Variants in ERI1 observed in about 807,000 individuals in gnomAD.
ERI1 encodes 3'-5' exoribonuclease 1.
ERI1 carries 39 observed loss-of-function variants against 39.7 expected under a neutral mutation model. The observed-to-expected ratio is 0.98, with a 90% CI of 0.76 to 1.28. The LOEUF (loss-of-function observed/expected upper bound fraction) is 1.28. Ranked by LOEUF, ERI1 falls within the 50% of genes most tolerant of loss-of-function variation. ERI1 has a pLI of 0.00. For missense variants in ERI1, 581 were observed against 416.9 expected, an observed-to-expected ratio of 1.39 and a Z score of -3.43; for synonymous variants, 204 against 149.6, an observed-to-expected ratio of 1.36 and a Z score of -2.65.
At chr8:9,019,452 A>G (rs374381876) in intron 5 of ERI1, among the ~76,000 whole-genome samples, 4 of 152,242 alleles carry the variant, frequency 2.6e-5, no homozygotes, top group Non-Finnish European at 5.9e-5. Flanking sequence ...CTGCTAAAGT[A>G]TACAGGTGTT....
chr8:9,047,315 G>A (rs1336031970), intron 3 of ERI1, among the ~76,000 whole-genome samples: 1 of 152,140 alleles, frequency 6.6e-6, no homozygotes, highest in East Asian at 1.9e-4. Flanking sequence ...CCACTAATTA[G>A]CCTGTGGCCA....
chr8:9,071,893 T>G (rs1799062240), intron 3 of ERI1, among the ~76,000 whole-genome samples: 1 of 152,150 alleles, frequency 6.6e-6, no homozygotes, highest in Non-Finnish European at 1.5e-5. Context: ...TAGTGAGACC[T>G]CGTCTCTACA....
intron 3 of ERI1, among the ~76,000 whole-genome samples, chr8:9,076,060 C>G (rs1225560037): frequency 2.0e-5 from 3 of 152,144 alleles, no homozygotes; most frequent in Non-Finnish European, 4.4e-5. Context: ...CTCAGCCTCC[C>G]AAGTAGCTTG....
At chr8:9,045,811 G>A (rs1798157730) in intron 3 of ERI1, among the ~76,000 whole-genome samples, 1 of 151,586 alleles carries the variant, frequency 6.6e-6, no homozygotes, top group Admixed American at 6.6e-5. Flanking sequence ...TGAGTAGCTG[G>A]GATTACAGGC....
chr8:9,028,013 G>A (rs1797305290), intron 6 of ERI1, among the ~76,000 whole-genome samples: 2 of 152,166 alleles, frequency 1.3e-5, no homozygotes, highest in South Asian at 2.1e-4. Context: ...GATAATTGTA[G>A]GGGATATTGA....
chr8:9,043,831 G>C (rs112595378), intron 3 of ERI1, among the ~76,000 whole-genome samples: 6 of 152,176 alleles, frequency 3.9e-5, no homozygotes, highest in Non-Finnish European at 8.8e-5. Context: ...GGGACTACAG[G>C]CCATAATTGT....
chr8:9,083,551 T>G (rs548853603), intron 3 of ERI1, among the ~76,000 whole-genome samples: 6 of 151,736 alleles, frequency 4.0e-5, no homozygotes, highest in Admixed American at 1.3e-4. Context: ...AATCATCAAC[T>G]CATAATCAAT....
intron 3 of ERI1, among the ~76,000 whole-genome samples, chr8:9,063,506 C>G (rs1232886592): frequency 1.3e-5 from 2 of 151,984 alleles, no homozygotes; most frequent in Non-Finnish European, 2.9e-5. Flanking sequence ...GAATCGGGAC[C>G]TAGCTCGGCC....
chr8:9,024,646 A>G (rs954586033), intron 6 of ERI1, among the ~76,000 whole-genome samples: 3 of 151,786 alleles, frequency 2.0e-5, no homozygotes, highest in East Asian at 3.9e-4. Flanking sequence ...CTGGTTTTGA[A>G]CTCCTGACCT....
At chr8:9,011,888 A>T (rs934616310) in intron 3 of ERI1, 136 bp downstream of exon 3, 1 of 578,540 alleles carries the variant, frequency 1.7e-6, no homozygotes. Flanking sequence ...CATGAACTTT[A>T]TATCAGCTTG....
intron 4 of ERI1, 142 bp from the exon 5 acceptor site, chr8:9,018,155 G>C (rs1817499159): frequency 1.9e-6 from 1 of 531,102 alleles, no homozygotes; most frequent in South Asian, 3.2e-5. Flanking sequence ...ACTTTAGGTG[G>C]AGCTAAGCCA....
chr8:9,056,148 A>T (rs1798499855), intron 3 of ERI1, among the ~76,000 whole-genome samples: 1 of 152,168 alleles, frequency 6.6e-6, no homozygotes, highest in South Asian at 2.1e-4. Context: ...CGTGAAGAAG[A>T]GTTTGGAAAT....
At chr8:9,084,285 T>C (rs1030625307) in intron 3 of ERI1, among the ~76,000 whole-genome samples, 1 of 152,178 alleles carries the variant, frequency 6.6e-6, no homozygotes, top group Non-Finnish European at 1.5e-5. Flanking sequence ...TACCGCCTCA[T>C]CTATTCCACC....
intron 6 of ERI1, 51 bp downstream of exon 6, chr8:9,020,515 A>C: frequency 8.4e-7 from 1 of 1,184,412 alleles, no homozygotes; most frequent in Non-Finnish European, 1.2e-6. Context: ...TAAATTTGTT[A>C]AAATTTGCAT....
chr8:9,021,765 G>GT lies in ERI1; in HGVS notation c.807+1309dup, dbSNP rs1161148984. On this transcript the variant is annotated intron_variant, in intron 6 of 6. Transcript: ENST00000250263. Reference sequence around the variant, plus strand: ...TAGTATTATACTGGCTATATTATTTGTTTTTTTTGTTTTTTTTTTTTTTTC... The same window carrying GT: ...TAGTATTATACTGGCTATATTATTTGTTTTTTTTTGTTTTTTTTTTTTTTTC... 3.2e-3 allele frequency among the ~76,000 whole-genome samples: 164 copies of GT among 51,050 alleles called. 4 individuals are homozygous for GT. The highest frequency in any genetic ancestry group is 0.011 in the African/African-American group (140 of 12,492). 33.5% of individuals were successfully genotyped at this position (51,050 alleles called of 152,430 possible).
chr8:9,069,672 G>A (rs780535583), intron 3 of ERI1, among the ~76,000 whole-genome samples: 2 of 152,000 alleles, frequency 1.3e-5, no homozygotes, highest in African/African-American at 2.4e-5. Context: ...TCTCAGCATC[G>A]TGCAATATAC....
At chr8:9,058,185 G>A (rs1798573784) in intron 3 of ERI1, among the ~76,000 whole-genome samples, 2 of 152,216 alleles carry the variant, frequency 1.3e-5, no homozygotes, top group Non-Finnish European at 2.9e-5. Flanking sequence ...ATTACCCAGA[G>A]CCCTCACGTG....
intron 3 of ERI1, among the ~76,000 whole-genome samples, chr8:9,049,336 C>CAAAAA (rs3989371): frequency 8.4e-4 from 28 of 33,248 alleles, no homozygotes; most frequent in African/African-American, 2.1e-3. Flanking sequence ...ACTCCGTCTC[C>CAAAAA]AAAAAAAAAA....
At chr8:9,018,216 T>G (rs1563322078) in intron 4 of ERI1, 81 bp from the exon 5 acceptor site, 1 of 708,406 alleles carries the variant, frequency 1.4e-6, no homozygotes, top group Non-Finnish European at 2.4e-6. Context: ...TTTCTTCCCC[T>G]CCAACTTAGG....
Sources: gnomAD v4.1 joint callset for allele counts (sites outside exome capture counted in the v4.1 genomes callset) on GRCh38, gnomAD v4.1.1 for gene constraint, MANE v1.5 for transcripts, NCBI Gene and HGNC (gene_info 2026-07-23, HGNC 2026-07-21) for gene names.